The following ADORA2B variants were observed in gnomAD, a reference collection of about 807,000 sequenced individuals.
ADORA2B encodes adenosine receptor A2b.
In ADORA2B, 18 loss-of-function variants were observed where a neutral mutation model predicts 20.8. That is an observed-to-expected ratio of 0.87 (90% CI 0.60 to 1.29). ADORA2B has a LOEUF of 1.29. Ranked by LOEUF, ADORA2B falls within the 50% of genes most tolerant of loss-of-function variation. The probability of loss-of-function intolerance (pLI) is 0.00; values close to 1 mark genes in which losing one functional copy is unlikely to be tolerated. For synonymous variants in ADORA2B, 179 were observed against 178.3 expected (o/e 1.00, Z -0.03); for missense variants, 441 against 422.7 (o/e 1.04, Z -0.38).
chr17:15,964,854 G>A (rs1242553138), intron 1 of ADORA2B, among the ~76,000 whole-genome samples: 5 of 151,954 alleles, frequency 3.3e-5, no homozygotes, highest in Admixed American at 6.6e-5. Context: ...GAGGTCAGGA[G>A]ATCGAGACCA....
chr17:15,902,902 G>A, the ADORA2B span, among the ~76,000 whole-genome samples: 3 of 152,230 alleles, frequency 2.0e-5, no homozygotes, highest in African/African-American at 7.2e-5. Flanking sequence ...AACCTGTCAT[G>A]GCAGGTTGTG....
At chr17:15,915,372 C>A in the ADORA2B span, among the ~76,000 whole-genome samples, 3 of 152,240 alleles carry the variant, frequency 2.0e-5, no homozygotes, top group Non-Finnish European at 4.4e-5. Flanking sequence ...ACCTTAATCA[C>A]ATCTGCAGAG....
chr17:15,854,530 A>G, the ADORA2B span, among the ~76,000 whole-genome samples: 1 of 152,208 alleles, frequency 6.6e-6, no homozygotes, highest in African/African-American at 2.4e-5. Context: ...TAATGGTGAA[A>G]TATTGGACGC....
chr17:15,966,423 C>A (rs1245810572), intron 1 of ADORA2B, among the ~76,000 whole-genome samples: 1 of 152,154 alleles, frequency 6.6e-6, no homozygotes, highest in Non-Finnish European at 1.5e-5. Context: ...AGGTAGCTGC[C>A]CTTGATCTAT....
the ADORA2B span, among the ~76,000 whole-genome samples, chr17:15,854,302 A>T: frequency 3.9e-5 from 6 of 152,174 alleles, no homozygotes; most frequent in East Asian, 1.2e-3. Flanking sequence ...TATTCGAGGA[A>T]TGCAAGGTGG....
chr17:15,921,424 A>G, the ADORA2B span, among the ~76,000 whole-genome samples: 1 of 152,316 alleles, frequency 6.6e-6, no homozygotes, highest in South Asian at 2.1e-4. Flanking sequence ...TTGAAAGTGA[A>G]ATTTACCTGA....
At chr17:15,917,603 G>A in the ADORA2B span, among the ~76,000 whole-genome samples, 1 of 152,248 alleles carries the variant, frequency 6.6e-6, no homozygotes, top group Non-Finnish European at 1.5e-5. Context: ...CTCCGGGCTA[G>A]GGAACAGGGA....
At chr17:15,853,590 T>A in the ADORA2B span, among the ~76,000 whole-genome samples, 1 of 152,212 alleles carries the variant, frequency 6.6e-6, no homozygotes, top group East Asian at 1.9e-4. Context: ...GGTCAAAATC[T>A]TAGAAAAACA....
the ADORA2B span, among the ~76,000 whole-genome samples, chr17:15,924,975 A>G: frequency 1.3e-5 from 2 of 151,842 alleles, no homozygotes; most frequent in African/African-American, 4.8e-5. Context: ...CCTGAGCTCA[A>G]GCAATCCTCC....
chr17:15,909,114 G>A, the ADORA2B span, among the ~76,000 whole-genome samples: 3 of 152,022 alleles, frequency 2.0e-5, no homozygotes, highest in Admixed American at 6.6e-5. Context: ...GCTTGTATCC[G>A]GGAGTTGGAG....
the ADORA2B span, among the ~76,000 whole-genome samples, chr17:15,851,424 G>A: frequency 6.6e-6 from 1 of 151,008 alleles, no homozygotes; most frequent in East Asian, 1.9e-4. Flanking sequence ...ATCAGCCTTG[G>A]GACCACACAG....
At chr17:15,894,482 T>A in the ADORA2B span, among the ~76,000 whole-genome samples, 1 of 152,142 alleles carries the variant, frequency 6.6e-6, no homozygotes, top group East Asian at 1.9e-4. Context: ...GGAAGAAAGC[T>A]GGTTGGCTGG....
the ADORA2B span, among the ~76,000 whole-genome samples, chr17:15,933,568 AGTT>A: frequency 6.9e-6 from 1 of 145,874 alleles, no homozygotes; most frequent in African/African-American, 2.6e-5. Flanking sequence ...ATGTAAATGA[AGTT>A]GTTTTCTTAA....
At chr17:15,954,749 A>G (rs1428135677) in intron 1 of ADORA2B, among the ~76,000 whole-genome samples, 1 of 152,220 alleles carries the variant, frequency 6.6e-6, no homozygotes, top group Non-Finnish European at 1.5e-5. Flanking sequence ...CCTGGGCAAC[A>G]GAGTGAGACC....
the ADORA2B span, among the ~76,000 whole-genome samples, chr17:15,925,806 A>G: frequency 6.6e-6 from 1 of 152,056 alleles, no homozygotes; most frequent in East Asian, 2.0e-4. Context: ...TGTCTCTACT[A>G]AAAAAACCAA....
chr17:15,860,464 C>CTCTG, the ADORA2B span, among the ~76,000 whole-genome samples: 1 of 152,074 alleles, frequency 6.6e-6, no homozygotes, highest in East Asian at 1.9e-4. Context: ...TTTCCTGCCA[C>CTCTG]TCTGTCTCTC....
At chr17:15,853,740 A>G in the ADORA2B span, among the ~76,000 whole-genome samples, 1 of 152,240 alleles carries the variant, frequency 6.6e-6, no homozygotes, top group Non-Finnish European at 1.5e-5. Flanking sequence ...AATAACACCA[A>G]TCTTATATAT....
chr17:15,974,961 C>A lies in ADORA2B; in HGVS notation c.618C>A (p.Phe206Leu). 2 of 1,614,162 alleles carry A rather than the reference C, an allele frequency of 1.2e-6. No homozygotes were observed. Among genetic ancestry groups the A allele is most frequent in the Non-Finnish European group, 1.7e-6 (2 of 1,180,036 alleles). The change falls in exon 2 of 2, where the codon TTC becomes TTA. Residue 206 changes from phenylalanine to leucine, a missense_variant. Physicochemically the swap from Phe to Leu is conservative, Grantham distance 22. Coordinates refer to ENST00000304222, the MANE Select transcript of ADORA2B (RefSeq NM_000676.4). ...TGCTGGTGATCTACATTAAGATCTT[C>A]CTGGTGGCCTGCAGGCAGCTTCAGC... ...LIMLVIYIKI[F>L]LVACRQLQRT...
chr17:15,892,449 G>A, the ADORA2B span, among the ~76,000 whole-genome samples: 1 of 151,524 alleles, frequency 6.6e-6, no homozygotes, highest in African/African-American at 2.4e-5. Context: ...GATTACAGGT[G>A]TTAGCCACCG....
Sources: allele counts gnomAD v4.1 joint callset (sites outside exome capture counted in the v4.1 genomes callset), GRCh38; gene constraint gnomAD v4.1.1; transcripts MANE v1.5; gene names NCBI Gene and HGNC (gene_info 2026-07-23, HGNC 2026-07-21).